Variants in CNTN5 observed in about 807,000 individuals in gnomAD.
CNTN5 encodes the protein contactin-5.
Under a neutral mutation model 129.1 loss-of-function variants are expected in CNTN5, and 77 were observed. That is an observed-to-expected ratio of 0.60 (90% CI 0.50 to 0.72). The LOEUF is 0.72. Ranked by LOEUF, CNTN5 falls within the 30% of genes least tolerant of loss-of-function variation. CNTN5 has a pLI of 0.00. For missense variants in CNTN5, 1,478 were observed against 1,328.8 expected, an observed-to-expected ratio of 1.11 and a Z score of -1.75; for synonymous variants, 509 against 465.6, an observed-to-expected ratio of 1.09 and a Z score of -1.20.
chr11:99,523,122 A>G (rs1031531680), intron 2 of CNTN5, among the ~76,000 whole-genome samples: 3 of 152,214 alleles, frequency 2.0e-5, no homozygotes, highest in East Asian at 3.9e-4. Context: ...AGTACTTGAA[A>G]TGACTTTCCC....
intron 3 of CNTN5, among the ~76,000 whole-genome samples, chr11:99,635,131 T>C (rs1043140973): frequency 1.3e-5 from 2 of 152,232 alleles, no homozygotes; most frequent in African/African-American, 2.4e-5. Flanking sequence ...CTTGCTATAA[T>C]TGCTTTTCTC....
intron 6 of CNTN5, among the ~76,000 whole-genome samples, chr11:99,888,246 G>C (rs1948951753): frequency 6.6e-6 from 1 of 152,142 alleles, no homozygotes; most frequent in Admixed American, 6.5e-5. Flanking sequence ...TTGCTAAGGA[G>C]AAGGGATGTA....
chr11:99,778,273 A>G (rs1945194245), intron 3 of CNTN5, among the ~76,000 whole-genome samples: 1 of 151,796 alleles, frequency 6.6e-6, no homozygotes, highest in Admixed American at 6.6e-5. Context: ...AGCTGACTCT[A>G]TTAAAGACTG....
At chr11:100,265,241 T>A (rs1346098058) in intron 17 of CNTN5, among the ~76,000 whole-genome samples, 2 of 152,152 alleles carry the variant, frequency 1.3e-5, no homozygotes, top group African/African-American at 4.8e-5. Context: ...ACTAGATGTG[T>A]CCTCTTCTAA....
At chr11:99,035,895 G>T (rs1295500858) in intron 1 of CNTN5, among the ~76,000 whole-genome samples, 1 of 151,774 alleles carries the variant, frequency 6.6e-6, no homozygotes, top group Admixed American at 6.6e-5. Flanking sequence ...GCATGATTTT[G>T]CAGCGGCTGG....
chr11:100,155,652 A>G (rs12272579), intron 13 of CNTN5, among the ~76,000 whole-genome samples: 18,392 of 152,012 alleles, frequency 0.12, 1,155 homozygotes, highest in Non-Finnish European at 0.14. Flanking sequence ...CTATCCATGC[A>G]CATGGAATGT....
chr11:99,740,848 C>T (rs535492022), intron 3 of CNTN5, among the ~76,000 whole-genome samples: 38 of 152,222 alleles, frequency 2.5e-4, no homozygotes, highest in Admixed American at 7.9e-4. Context: ...TTCATGAACC[C>T]GTAGGAAGTA....
intron 2 of CNTN5, among the ~76,000 whole-genome samples, chr11:99,356,583 C>T (rs531982110): frequency 3.3e-5 from 5 of 152,296 alleles, no homozygotes; most frequent in African/African-American, 1.2e-4. Flanking sequence ...GTTTTTCAAA[C>T]ACTTAACTGG....
chr11:99,645,578 A>C (rs867905490), intron 3 of CNTN5, among the ~76,000 whole-genome samples: 1 of 152,252 alleles, frequency 6.6e-6, no homozygotes, highest in Non-Finnish European at 1.5e-5. Flanking sequence ...GACTGGATTA[A>C]GAAAATGTGG....
chr11:99,566,756 T>G (rs1949018772), intron 3 of CNTN5, among the ~76,000 whole-genome samples: 1 of 152,184 alleles, frequency 6.6e-6, no homozygotes, highest in South Asian at 2.1e-4. Flanking sequence ...AAATAATGCA[T>G]GGGAGATATG....
chr11:99,105,307 A>G (rs1202642632), intron 1 of CNTN5, among the ~76,000 whole-genome samples: 1 of 152,196 alleles, frequency 6.6e-6, no homozygotes, highest in Non-Finnish European at 1.5e-5. Context: ...CAGATGACAT[A>G]AGGGAACTAT....
At chr11:100,355,127 A>G (rs1011363414) in intron 24 of CNTN5, among the ~76,000 whole-genome samples, 8 of 151,824 alleles carry the variant, frequency 5.3e-5, no homozygotes, top group African/African-American at 1.4e-4. Flanking sequence ...ATAACACTTA[A>G]AACATACATA....
intron 9 of CNTN5, among the ~76,000 whole-genome samples, chr11:100,040,781 C>T (rs564196796): frequency 3.7e-4 from 57 of 152,302 alleles, no homozygotes; most frequent in Middle Eastern, 3.4e-3. Flanking sequence ...TAGCCAAGTG[C>T]GGGATATAAT....
At chr11:99,912,807 C>G (rs1018473763) in intron 6 of CNTN5, among the ~76,000 whole-genome samples, 2 of 151,924 alleles carry the variant, frequency 1.3e-5, no homozygotes, top group Non-Finnish European at 1.5e-5. Flanking sequence ...GACTTTTGAT[C>G]ACAAAATTTC....
intron 4 of CNTN5, among the ~76,000 whole-genome samples, chr11:99,841,933 C>G (rs541804698): frequency 4.0e-5 from 6 of 150,850 alleles, no homozygotes; most frequent in African/African-American, 1.5e-4. Flanking sequence ...GTTGCCCAGA[C>G]AGGAGTGCAG....
chr11:100,223,256 G>A (rs1295887064), intron 15 of CNTN5, among the ~76,000 whole-genome samples: 1 of 152,062 alleles, frequency 6.6e-6, no homozygotes, highest in African/African-American at 2.4e-5. Context: ...ATTATTTCAT[G>A]AGAGAAAACT....
At chr11:100,106,488 G>C (rs1047040269) in intron 13 of CNTN5, among the ~76,000 whole-genome samples, 1 of 131,724 alleles carries the variant, frequency 7.6e-6, no homozygotes, top group Non-Finnish European at 1.7e-5. Context: ...GAGGGAATGA[G>C]GGAGGAGGGA....
chr11:100,162,679 A>C (rs1947495922), intron 13 of CNTN5, among the ~76,000 whole-genome samples: 1 of 152,036 alleles, frequency 6.6e-6, no homozygotes, highest in Middle Eastern at 3.4e-3. Flanking sequence ...AGGAACATCA[A>C]AAATGTGGCA....
At chr11:99,445,477 A>G (rs1944025285) in intron 2 of CNTN5, among the ~76,000 whole-genome samples, 1 of 152,170 alleles carries the variant, frequency 6.6e-6, no homozygotes. Flanking sequence ...TTGATTGTGT[A>G]TCATATTGTT....
Sources: gnomAD v4.1 joint callset for allele counts (sites outside exome capture counted in the v4.1 genomes callset) on GRCh38, gnomAD v4.1.1 for gene constraint, MANE v1.5 for transcripts, NCBI Gene and HGNC (gene_info 2026-07-23, HGNC 2026-07-21) for gene names.